TTC29: variants seen among roughly 807,000 people sequenced by gnomAD.
TTC29 encodes tetratricopeptide repeat domain 29.
A neutral mutation model predicts 58.1 loss-of-function variants in TTC29; 49 were observed. That is an observed-to-expected ratio of 0.84 (90% CI 0.67 to 1.07). TTC29 has a LOEUF of 1.07. Ranked by LOEUF, TTC29 falls within the 50% of genes least tolerant of loss-of-function variation. The pLI is 0.00. For missense variants in TTC29, 582 were observed against 555.6 expected, an observed-to-expected ratio of 1.05 and a Z score of -0.48; for synonymous variants, 209 against 196.8, an observed-to-expected ratio of 1.06 and a Z score of -0.52.
At chr4:146,759,856 T>C (rs915450507) in intron 11 of TTC29, among the ~76,000 whole-genome samples, 3 of 152,024 alleles carry the variant, frequency 2.0e-5, no homozygotes, top group Non-Finnish European at 4.4e-5. Context: ...GTTGAAAACA[T>C]TCCCTCTGAG....
At chr4:146,818,806 T>C (rs887708528) in intron 10 of TTC29, among the ~76,000 whole-genome samples, 1 of 151,940 alleles carries the variant, frequency 6.6e-6, no homozygotes, top group Non-Finnish European at 1.5e-5. Flanking sequence ...AAATTGGAAA[T>C]CATCATTCTC....
chr4:146,771,695 T>C (rs746929307), intron 11 of TTC29, among the ~76,000 whole-genome samples: 52 of 152,178 alleles, frequency 3.4e-4, no homozygotes, highest in Non-Finnish European at 6.3e-4. Context: ...ATGTCTTTGC[T>C]GTTGTGAATA....
intron 9 of TTC29, among the ~76,000 whole-genome samples, chr4:146,824,430 C>G (rs564844691): frequency 1.3e-5 from 2 of 152,266 alleles, no homozygotes; most frequent in African/African-American, 4.8e-5. Flanking sequence ...GTTGAGCCAG[C>G]TTTGCATCCC....
At chr4:146,729,229 C>T (rs1315762120) in intron 11 of TTC29, among the ~76,000 whole-genome samples, 1 of 152,092 alleles carries the variant, frequency 6.6e-6, no homozygotes, top group African/African-American at 2.4e-5. Context: ...CAAACATTTG[C>T]TGATCTGATA....
chr4:146,721,121 G>C (rs1743324184), intron 11 of TTC29, among the ~76,000 whole-genome samples: 1 of 152,106 alleles, frequency 6.6e-6, no homozygotes, highest in African/African-American at 2.4e-5. Context: ...AATTAATTTA[G>C]TAGGGGACAC....
At chr4:146,824,264 G>A (rs1211282521) in intron 9 of TTC29, among the ~76,000 whole-genome samples, 1 of 152,160 alleles carries the variant, frequency 6.6e-6, no homozygotes, top group Non-Finnish European at 1.5e-5. Context: ...TTATTATTTT[G>A]AGAGATGTTC....
At chr4:146,746,793 A>C (rs1159019168) in intron 11 of TTC29, among the ~76,000 whole-genome samples, 1 of 152,040 alleles carries the variant, frequency 6.6e-6, no homozygotes, top group Non-Finnish European at 1.5e-5. Flanking sequence ...GTTCTGGGAG[A>C]GTGATGTCAG....
intron 11 of TTC29, among the ~76,000 whole-genome samples, chr4:146,778,152 C>T (rs947591243): frequency 6.7e-6 from 1 of 149,272 alleles, no homozygotes; most frequent in African/African-American, 2.5e-5. Flanking sequence ...TCTTTATTTC[C>T]TCTTTTACTT....
intron 11 of TTC29, among the ~76,000 whole-genome samples, chr4:146,750,254 G>T (rs531217718): frequency 7.4e-4 from 113 of 152,230 alleles, no homozygotes; most frequent in African/African-American, 2.6e-3. Flanking sequence ...TGATCCGCCC[G>T]CCTCGGCCTC....
At chr4:146,742,631 CGTTTCCTT>C (rs1745245195) in intron 11 of TTC29, among the ~76,000 whole-genome samples, 1 of 87,678 alleles carries the variant, frequency 1.1e-5, no homozygotes, top group Non-Finnish European at 2.5e-5. Flanking sequence ...TTCCTTCCTT[CGTTTCCTT>C]CCTTCTTTCC....
intron 8 of TTC29, among the ~76,000 whole-genome samples, chr4:146,859,672 G>C (rs1007792829): frequency 1.3e-5 from 2 of 152,116 alleles, no homozygotes; most frequent in Non-Finnish European, 2.9e-5. Context: ...AGAAAAGAAG[G>C]CAGGAGAGAG....
At chr4:146,808,006 C>T (rs182315944) in intron 10 of TTC29, among the ~76,000 whole-genome samples, 780 of 152,240 alleles carry the variant, frequency 5.1e-3, no homozygotes, top group Non-Finnish European at 9.0e-3. Flanking sequence ...TACGGGCAAA[C>T]CAAATCCAGC....
At chr4:146,900,830 T>A (rs1421718439) in intron 6 of TTC29, among the ~76,000 whole-genome samples, 1 of 152,132 alleles carries the variant, frequency 6.6e-6, no homozygotes, top group East Asian at 1.9e-4. Context: ...TGTCTAAGTT[T>A]TATGTTATGT....
intron 4 of TTC29, among the ~76,000 whole-genome samples, chr4:146,917,504 C>G (rs1400892876): frequency 7.6e-6 from 1 of 132,202 alleles, no homozygotes. Context: ...TTGTGATATG[C>G]TTATATTTTA....
intron 11 of TTC29, among the ~76,000 whole-genome samples, chr4:146,778,461 G>C (rs911465690): frequency 1.3e-5 from 2 of 151,962 alleles, no homozygotes; most frequent in Non-Finnish European, 2.9e-5. Flanking sequence ...AGAGAACATG[G>C]TCTGTATGAT....
intron 10 of TTC29, among the ~76,000 whole-genome samples, chr4:146,810,585 CTTCTTTTTTTTTT>C (rs1191120002): frequency 2.1e-4 from 27 of 129,756 alleles, no homozygotes; most frequent in Non-Finnish European, 1.1e-4. Context: ...TTTTACATAC[CTTCTTTTTTTTTT>C]TTTTTTTTTT....
chr4:146,824,505 G>A (rs1309114377), intron 9 of TTC29, among the ~76,000 whole-genome samples: 1 of 152,096 alleles, frequency 6.6e-6, no homozygotes, highest in African/African-American at 2.4e-5. Flanking sequence ...CAGTCTGCCA[G>A]TATTTTATTG....
intron 4 of TTC29, among the ~76,000 whole-genome samples, chr4:146,916,439 T>G (rs1190100751): frequency 6.6e-6 from 1 of 151,694 alleles, no homozygotes; most frequent in Non-Finnish European, 1.5e-5. Context: ...GCATTTTTCT[T>G]AATGCTTAGG....
At chr4:146,793,815 A>T (rs1561130590) in intron 11 of TTC29, among the ~76,000 whole-genome samples, 1 of 152,156 alleles carries the variant, frequency 6.6e-6, no homozygotes, top group Admixed American at 6.6e-5. Flanking sequence ...CCTATGTTAG[A>T]TATGGTAAGT....
Sources: gnomAD v4.1 joint callset for allele counts (sites outside exome capture counted in the v4.1 genomes callset) on GRCh38, gnomAD v4.1.1 for gene constraint, MANE v1.5 for transcripts, NCBI Gene and HGNC (gene_info 2026-07-23, HGNC 2026-07-21) for gene names.